The following PARP1 variants were observed in gnomAD, a reference collection of about 807,000 sequenced individuals.
The protein encoded by PARP1 is poly(ADP-ribose) polymerase 1, also known as poly [ADP-ribose] polymerase 1.
PARP1 carries 44 observed loss-of-function variants against 118.7 expected under a neutral mutation model. The ratio of observed to expected loss-of-function variants is 0.37; its 90% CI spans 0.29 to 0.48. PARP1 has a LOEUF of 0.48. PARP1 is among the 20% of genes least tolerant of loss of function. PARP1 has a pLI of 0.99. For synonymous variants in PARP1, 492 were observed against 483.2 expected (o/e 1.02, Z -0.24); for missense variants, 1,100 against 1,272.4 (o/e 0.86, Z 2.06).
At chr1:226,362,184 CTT>C (rs368063214) in intron 21 of PARP1, 101 bp from the exon 22 acceptor site, 3,574 of 586,218 alleles carry the variant, frequency 6.1e-3, no homozygotes, top group East Asian at 7.4e-3. Flanking sequence ...TGTGGTCTTT[CTT>C]TTTTTTTTTT....
At chr1:226,388,621 G>GA in intron 5 of PARP1, 35 bp downstream of exon 5, 1 of 1,355,522 alleles carries the variant, frequency 7.4e-7, no homozygotes, top group Non-Finnish European at 1.1e-6. Context: ...CCAGACAGCA[G>GA]AATGTCGAAA....
chr1:226,382,507 G>C (rs1664635207), intron 8 of PARP1, among the ~76,000 whole-genome samples: 1 of 152,148 alleles, frequency 6.6e-6, no homozygotes, highest in East Asian at 1.9e-4. Context: ...CCCAGAGTAA[G>C]AGCTGCTTGT....
chr1:226,390,762 C>T (rs1466012114), intron 3 of PARP1, 138 bp from the exon 4 acceptor site: 2 of 762,456 alleles, frequency 2.6e-6, no homozygotes, highest in Non-Finnish European at 4.5e-6. Flanking sequence ...GACTCATGAG[C>T]TTTTGAGAGG....
rs1377173886 is a variant in PARP1, at chr1:226,368,283, A to C, written c.2193T>G (p.Asp731Glu). 6.2e-7 allele frequency: 1 copy of C among 1,614,044 alleles called. No homozygotes were observed. Among genetic ancestry groups the C allele is most frequent in the East Asian group, 2.2e-5 (1 of 44,902 alleles). The change falls in exon 16 of 23, where the codon GAT becomes GAG. Residue 731 changes from aspartate (D) to glutamate (E), a missense_variant. Asp to Glu is a conservative substitution (Grantham distance 45, BLOSUM62 2). Around this residue, in one of 2 missense-constraint regions of PARP1, gnomAD observed 948 missense variants for 1,031.8 expected, o/e 0.92. Transcript: ENST00000366794. ...SQGSSDSQIL[D>E]LSNRFYTLIP... Reference sequence around the variant, plus strand: ...TCAGGGTGTAAAAGCGATTTGAGAGATCCAGGATCTGAGAGTCGCTGCTGC... The same window carrying C: ...TCAGGGTGTAAAAGCGATTTGAGAGCTCCAGGATCTGAGAGTCGCTGCTGC...
chr1:226,362,184 CT>C (rs368063214), intron 21 of PARP1, 101 bp from the exon 22 acceptor site: 106,989 of 504,842 alleles, frequency 0.21, no homozygotes, highest in South Asian at 0.28. Flanking sequence ...TGTGGTCTTT[CT>C]TTTTTTTTTT....
intron 17 of PARP1, chr1:226,367,064 A>T: frequency 3.6e-6 from 1 of 276,084 alleles, no homozygotes; most frequent in East Asian, 9.2e-5. Flanking sequence ...TACAGGTGCC[A>T]TCAAGCATTT....
chr1:226,406,949 G>C (rs1665159667), intron 1 of PARP1, among the ~76,000 whole-genome samples: 1 of 152,096 alleles, frequency 6.6e-6, no homozygotes, highest in Non-Finnish European at 1.5e-5. Context: ...ACTAAGCTTG[G>C]GTAATATGTT....
At position 226,367,475 on chromosome 1, in the gene PARP1, G is replaced by GT. The variant is rs1488823142; in HGVS notation, c.2406+4dup. The GT allele has an allele frequency of 6.2e-7, 1 of 1,613,494 alleles. No homozygotes were observed. Among genetic ancestry groups the GT allele is most frequent in the Non-Finnish European group, 8.5e-7 (1 of 1,179,970 alleles). On this transcript the variant is annotated splice_donor_region_variant and intron_variant, in intron 17 of 22. Coordinates refer to ENST00000366794, the MANE Select transcript of PARP1 (RefSeq NM_001618.4). ...AGATGCTTGAGGAAGGCCTGACCCT[G>GT]TTACCTTAATGTCAGTTTTGAGCTT...
intron 3 of PARP1, among the ~76,000 whole-genome samples, chr1:226,391,389 C>T (rs1224763642): frequency 2.0e-5 from 3 of 152,104 alleles, no homozygotes; most frequent in Admixed American, 6.6e-5. Flanking sequence ...GTCCCCAGTC[C>T]CCAGGCCTGA....
chr1:226,388,543 A>G (rs1664756522), intron 5 of PARP1, 113 bp downstream of exon 5: 1 of 778,558 alleles, frequency 1.3e-6, no homozygotes, highest in African/African-American at 1.7e-5. Context: ...ACTGCCATCA[A>G]TTTGCTAAAG....
intron 1 of PARP1, among the ~76,000 whole-genome samples, chr1:226,406,183 AT>A (rs1194102064): frequency 2.0e-5 from 3 of 151,774 alleles, no homozygotes; most frequent in Admixed American, 6.6e-5. Context: ...TGAAAAAAAA[AT>A]AGGGACTGCT....
intron 18 of PARP1, 82 bp from the exon 19 acceptor site, chr1:226,365,236 G>GA (rs1558233217): frequency 6.9e-6 from 10 of 1,443,266 alleles, no homozygotes; most frequent in Non-Finnish European, 9.7e-6. Flanking sequence ...CTGGATACAC[G>GA]AGAAATGACC....
chr1:226,407,374 CAAAA>C (rs1276451078), intron 1 of PARP1, among the ~76,000 whole-genome samples: 3 of 124,102 alleles, frequency 2.4e-5, no homozygotes, highest in African/African-American at 8.7e-5. Flanking sequence ...ATAGGTTTAA[CAAAA>C]AAAAAAAAAA....
At chr1:226,380,848 T>G (rs947721821) in intron 9 of PARP1, among the ~76,000 whole-genome samples, 15 of 152,186 alleles carry the variant, frequency 9.9e-5, no homozygotes, top group Non-Finnish European at 1.3e-4. Context: ...CTATAGTAGC[T>G]TACCGTCTTT....
At chr1:226,399,132 G>A (rs150660849) in intron 2 of PARP1, among the ~76,000 whole-genome samples, 2 of 145,936 alleles carry the variant, frequency 1.4e-5, no homozygotes, top group African/African-American at 5.2e-5. Flanking sequence ...GGAGTGCAGT[G>A]GCATGATCTC....
chr1:226,383,157 C>A lies in PARP1; in HGVS notation c.1038G>T (p.Lys346Asn), dbSNP rs750907239. 1.2e-6 allele frequency: 2 copies of A among 1,613,214 alleles called. No individual in the cohort carries two copies. Among genetic ancestry groups the A allele is most frequent in the South Asian group, 2.2e-5 (2 of 91,050 alleles). ...PKEFREISYL[K>N]KLKVKKQDRI... The stretch of plus-strand genomic sequence containing the variant: ...GGTCCTGTTTTTTAACCTTCAATTT[C>A]TTGAGGTAAGAGATTTCTCGGAATT... Residue 346 changes from lysine (K) to asparagine (N), a missense_variant, in exon 8 of 23, where the codon AAG becomes AAT. Coordinates refer to ENST00000366794, the MANE Select transcript of PARP1 (RefSeq NM_001618.4).
intron 7 of PARP1, among the ~76,000 whole-genome samples, chr1:226,383,955 A>G (rs1307564176): frequency 6.6e-6 from 1 of 152,244 alleles, no homozygotes; most frequent in East Asian, 1.9e-4. Flanking sequence ...TACCAACCAT[A>G]GTCTGGTTAA....
At chr1:226,364,831 G>A (rs1179199866) in intron 19 of PARP1, among the ~76,000 whole-genome samples, 171 bp downstream of exon 19, 1 of 152,250 alleles carries the variant, frequency 6.6e-6, no homozygotes, top group South Asian at 2.1e-4. Context: ...TCCAGAAACT[G>A]TGTTTGAAAC....
intron 2 of PARP1, among the ~76,000 whole-genome samples, chr1:226,401,140 T>C (rs919453777): frequency 2.6e-5 from 4 of 152,110 alleles, no homozygotes; most frequent in Admixed American, 2.6e-4. Flanking sequence ...AAAAGAGCAG[T>C]GGTTGTCAGG....
Sources: gnomAD v4.1 joint callset for allele counts (sites outside exome capture counted in the v4.1 genomes callset) on GRCh38, gnomAD v4.1.1 for gene constraint, gnomAD v4.1.1 regional missense constraint, MANE v1.5 for transcripts, NCBI Gene and HGNC (gene_info 2026-07-23, HGNC 2026-07-21) for gene names.